VAV2: variants seen among roughly 807,000 people sequenced by gnomAD.
VAV2 encodes vav guanine nucleotide exchange factor 2.
In VAV2, 67 loss-of-function variants were observed where a neutral mutation model predicts 132.5. That is an observed-to-expected ratio of 0.51 (90% CI 0.42 to 0.62). The LOEUF (loss-of-function observed/expected upper bound fraction) is 0.62. VAV2 is among the 20% of genes least tolerant of loss of function. VAV2 has a pLI of 0.00. For synonymous variants in VAV2, 492 were observed against 443.5 expected (o/e 1.11, Z -1.37); for missense variants, 938 against 1,153.6 (o/e 0.81, Z 2.71).
At chr9:133,955,263 A>G (rs1588165649) in intron 1 of VAV2, among the ~76,000 whole-genome samples, 1 of 151,896 alleles carries the variant, frequency 6.6e-6, no homozygotes, top group Non-Finnish European at 1.5e-5. Flanking sequence ...GGAGCAACAT[A>G]GTCATGCCAC....
At chr9:133,896,673 T>C (rs184190547) in intron 2 of VAV2, among the ~76,000 whole-genome samples, 245 of 152,286 alleles carry the variant, frequency 1.6e-3, no homozygotes, top group African/African-American at 5.6e-3. Context: ...TAAGCAACAC[T>C]GTAATTCCAT....
chr9:133,777,969 C>T (rs975161801), intron 22 of VAV2, among the ~76,000 whole-genome samples: 28 of 152,166 alleles, frequency 1.8e-4, no homozygotes, highest in Admixed American at 1.8e-3. Context: ...GCCCTCGAGG[C>T]CCCGTGGCGC....
rs771012644 is a variant in VAV2 at position 133,788,578 on chromosome 9, C to T, written c.1275-92G>A. On this transcript the variant is annotated intron_variant, in intron 14 of 29. Coordinates refer to ENST00000371850, the MANE Select transcript of VAV2 (RefSeq NM_001134398.2). This position sits in a 1 kb window ranked among gnomAD's most constrained non-coding sequence, Gnocchi z 5.3. ...AGGAGCTGAGCCTGAGGCTCTGGCACGCGGCTCCCTCTCCGGGCGAGCCCT... is the reference window on the plus strand; with the variant it reads ...AGGAGCTGAGCCTGAGGCTCTGGCATGCGGCTCCCTCTCCGGGCGAGCCCT... 28 of 1,529,444 alleles carry T rather than the reference C, an allele frequency of 1.8e-5. No homozygotes were observed. Among genetic ancestry groups the T allele is most frequent in the Middle Eastern group, 2.4e-4 (1 of 4,240 alleles). The allele number at this position is 1,529,444 out of a possible 1,614,324, so 94.7% of individuals were successfully genotyped here. A position where few individuals can be genotyped will look rare whatever the true frequency, so the allele number is the denominator to read the frequency against.
chr9:133,828,496 A>G (rs574486383), intron 4 of VAV2, among the ~76,000 whole-genome samples: 9 of 150,746 alleles, frequency 6.0e-5, no homozygotes, highest in Non-Finnish European at 1.0e-4. Flanking sequence ...CTGACCACTG[A>G]GCACGGGCAT....
At chr9:133,900,806 T>C (rs1033744676) in intron 2 of VAV2, among the ~76,000 whole-genome samples, 8 of 149,962 alleles carry the variant, frequency 5.3e-5, no homozygotes, top group Non-Finnish European at 1.0e-4. Flanking sequence ...TTTATTTATT[T>C]ATGTATTTTT....
In VAV2 at chr9:133,834,294, G is replaced by T. The variant is rs761751112; in HGVS notation, c.427C>A (p.Arg143Ser). The change falls in exon 4 of 30, where the codon CGC becomes AGC. Residue 143 changes from arginine (R) to serine (S), a missense_variant. Coordinates refer to ENST00000371850, the MANE Select transcript of VAV2 (RefSeq NM_001134398.2). The surrounding 1 kb of genome is among the most constrained non-coding windows in gnomAD (Gnocchi z 5.9). ...TACTCGGCCAGCTCCTCCAGGCTGC[G>T]GTAGACGTCATCGTCATTCTCTGTG... ...ETTENDDDVY[R>S]SLEELADEHD... 3.1e-6 allele frequency: 5 copies of T among 1,612,208 alleles called. No homozygotes were observed. In the African/African-American group the frequency reaches 5.3e-5, roughly 17 times the overall value.
chr9:133,934,354 G>A (rs1223732536), intron 2 of VAV2, among the ~76,000 whole-genome samples: 1 of 152,198 alleles, frequency 6.6e-6, no homozygotes, highest in Non-Finnish European at 1.5e-5. Context: ...AGCCAGCTGT[G>A]ATGGTGAATT....
At chr9:133,862,884 A>G (rs1325215400) in intron 2 of VAV2, among the ~76,000 whole-genome samples, 1 of 152,164 alleles carries the variant, frequency 6.6e-6, no homozygotes, top group Non-Finnish European at 1.5e-5. Context: ...AAGAAAATGA[A>G]CCATAGAGAC....
chr9:133,832,204 C>T (rs868364653), intron 4 of VAV2, among the ~76,000 whole-genome samples: 6 of 152,222 alleles, frequency 3.9e-5, no homozygotes, highest in Non-Finnish European at 5.9e-5. Flanking sequence ...CCTTGGGCAG[C>T]CCAGAGACCC....
At chr9:133,913,538 T>C (rs1234708384) in intron 2 of VAV2, among the ~76,000 whole-genome samples, 1 of 152,216 alleles carries the variant, frequency 6.6e-6, no homozygotes, top group Non-Finnish European at 1.5e-5. Context: ...CTTTGCCCCA[T>C]CTGCCCTTGG....
chr9:133,979,816 G>A (rs1311086823), intron 1 of VAV2, among the ~76,000 whole-genome samples: 5 of 152,192 alleles, frequency 3.3e-5, no homozygotes, highest in Non-Finnish European at 7.4e-5. Context: ...AGGGGAAGGC[G>A]GCGCCAGCTG....
chr9:133,949,861 C>T (rs1010720465), intron 1 of VAV2, among the ~76,000 whole-genome samples: 8 of 152,226 alleles, frequency 5.3e-5, no homozygotes, highest in Admixed American at 2.0e-4. Context: ...AGAACACCTG[C>T]CCCCGACCCG....
At chr9:133,797,871 T>A in intron 9 of VAV2, 62 bp from the exon 10 acceptor site, 1 of 1,500,168 alleles carries the variant, frequency 6.7e-7, no homozygotes, top group Non-Finnish European at 9.1e-7. Context: ...GGGGCTGCAG[T>A]GAGCCCGTCC....
intron 1 of VAV2, among the ~76,000 whole-genome samples, chr9:133,983,786 TCCCACCCCAC>T (rs550006838): frequency 8.8e-4 from 128 of 145,522 alleles, no homozygotes; most frequent in African/African-American, 9.9e-4. Flanking sequence ...CAGCCAGGGC[TCCCACCCCAC>T]CCCACCCCAC....
At chr9:133,891,073 CA>C (rs1452459353) in intron 2 of VAV2, among the ~76,000 whole-genome samples, 1 of 151,488 alleles carries the variant, frequency 6.6e-6, no homozygotes, top group African/African-American at 2.4e-5. Context: ...GTAAAAAAGG[CA>C]AAGAAGATTT....
At chr9:133,939,047 C>T (rs895564093) in intron 2 of VAV2, 56 bp downstream of exon 2, 2 of 1,527,162 alleles carry the variant, frequency 1.3e-6, no homozygotes, top group Admixed American at 1.7e-5. Flanking sequence ...TGCCGCTGAG[C>T]CGGCAAATCG....
intron 2 of VAV2, among the ~76,000 whole-genome samples, chr9:133,923,514 G>A (rs1365529852): frequency 6.6e-6 from 1 of 152,192 alleles, no homozygotes; most frequent in Non-Finnish European, 1.5e-5. Flanking sequence ...AGAGGATGTG[G>A]AGAAATAGGA....
intron 4 of VAV2, among the ~76,000 whole-genome samples, chr9:133,828,591 G>A (rs560286794): frequency 3.9e-5 from 6 of 152,364 alleles, no homozygotes; most frequent in Middle Eastern, 3.4e-3. Context: ...TCCTTCTACC[G>A]TGCGGAGAAA....
intron 3 of VAV2, among the ~76,000 whole-genome samples, chr9:133,843,589 C>T (rs924003357): frequency 1.3e-5 from 2 of 152,156 alleles, no homozygotes; most frequent in Non-Finnish European, 2.9e-5. Context: ...GGGCCCTACA[C>T]CCCCTGGCCT....
Sources: allele counts gnomAD v4.1 joint callset (sites outside exome capture counted in the v4.1 genomes callset), GRCh38; gene constraint gnomAD v4.1.1; non-coding constraint Gnocchi (gnomAD v3.1); transcripts MANE v1.5; gene names NCBI Gene and HGNC (gene_info 2026-07-23, HGNC 2026-07-21).